KCNQ4: variants seen among roughly 807,000 people sequenced by gnomAD.
The protein encoded by KCNQ4 is potassium voltage-gated channel subfamily KQT member 4.
In KCNQ4, 31 loss-of-function variants were observed where a neutral mutation model predicts 72.6. That is an observed-to-expected ratio of 0.43 (90% CI 0.32 to 0.58). The LOEUF (loss-of-function observed/expected upper bound fraction) is 0.58, where lower values mean the gene tolerates loss of function less well. KCNQ4 is among the 20% of genes least tolerant of loss of function. The pLI is 0.08. For missense variants in KCNQ4, 869 were observed against 962.6 expected, an observed-to-expected ratio of 0.90 and a Z score of 1.29; for synonymous variants, 405 against 403.7, an observed-to-expected ratio of 1.00 and a Z score of -0.04.
intron 1 of KCNQ4, among the ~76,000 whole-genome samples, chr1:40,800,798 G>C (rs1445000276): frequency 1.3e-5 from 2 of 152,216 alleles, no homozygotes; most frequent in Non-Finnish European, 2.9e-5. Context: ...TTGTAGAATA[G>C]TGTGAGAAGG....
intron 12 of KCNQ4, among the ~76,000 whole-genome samples, chr1:40,837,245 G>A (rs981598539): frequency 1.3e-5 from 2 of 152,038 alleles, no homozygotes; most frequent in African/African-American, 2.4e-5. Context: ...GAGCTACCAT[G>A]TCCAGCTAAT....
chr1:40,817,876 G>A lies in KCNQ4; in HGVS notation c.406-288G>A, dbSNP rs910332355. On this transcript the variant is annotated intron_variant, in intron 2 of 13. Coordinates refer to ENST00000347132, the MANE Select transcript of KCNQ4 (RefSeq NM_004700.4). This position sits in a 1 kb window ranked among gnomAD's most constrained non-coding sequence, Gnocchi z 5.5. ...CAACCCCTTTTGTCACCAGGTCAGA[G>A]TTAGGGAGTCTGAGACAGCTGGGAC... Among the ~76,000 whole-genome samples, 15 of 152,232 alleles carry A rather than the reference G, an allele frequency of 9.9e-5. No individual in the cohort carries two copies. The highest frequency in any genetic ancestry group is 3.4e-4 in the African/African-American group (14 of 41,458).
At chr1:40,801,075 T>C (rs1304422352) in intron 1 of KCNQ4, among the ~76,000 whole-genome samples, 2 of 147,912 alleles carry the variant, frequency 1.4e-5, no homozygotes, top group African/African-American at 5.1e-5. Context: ...GGATTGTAAA[T>C]GGGGTAGGGG....
At chr1:40,807,624 C>A (rs1419335244) in intron 1 of KCNQ4, among the ~76,000 whole-genome samples, 1 of 152,236 alleles carries the variant, frequency 6.6e-6, no homozygotes, top group Non-Finnish European at 1.5e-5. Flanking sequence ...CTAGAAGAGT[C>A]TGGGGGCCTC....
rs1648132167 is a variant in KCNQ4 at position 40,817,514 on chromosome 1, G to A, written c.405+159G>A. On this transcript the variant is annotated intron_variant, in intron 2 of 13. Coordinates refer to ENST00000347132, the MANE Select transcript of KCNQ4 (RefSeq NM_004700.4). This position sits in a 1 kb window ranked among gnomAD's most constrained non-coding sequence, Gnocchi z 5.5. Reference sequence around the variant, plus strand: ...GGTAGCACCTCTGGGCTGGGAGTCCGGGACTGAGGGGGGCCGTGTGAGGTG... The same window carrying A: ...GGTAGCACCTCTGGGCTGGGAGTCCAGGACTGAGGGGGGCCGTGTGAGGTG... 6.6e-6 allele frequency among the ~76,000 whole-genome samples: 1 copy of A among 152,014 alleles called. No homozygotes were observed. Among genetic ancestry groups the A allele is most frequent in the African/African-American group, 2.4e-5 (1 of 41,358 alleles).
At chr1:40,831,058 C>T in intron 9 of KCNQ4, 26 bp from the exon 10 acceptor site, 1 of 1,554,984 alleles carries the variant, frequency 6.4e-7, no homozygotes, top group Admixed American at 1.9e-5. Flanking sequence ...TAACTTGGCT[C>T]TCTCCCAACC....
At chr1:40,834,852 G>A in intron 11 of KCNQ4, 115 bp from the exon 12 acceptor site, 2 of 1,420,132 alleles carry the variant, frequency 1.4e-6, no homozygotes, top group Non-Finnish European at 2.0e-6. Context: ...GTTCATGGTG[G>A]CCAAGCAGGA....
In KCNQ4 at chr1:40,824,185, G is replaced by A. The variant is rs367922521; in HGVS notation, c.1219G>A (p.Gly407Arg). 71 of 1,580,022 alleles carry A rather than the reference G, an allele frequency of 4.5e-5. No individual in the cohort carries two copies. The South Asian group carries it at 6.2e-4, about 14-fold the overall frequency. ...LEVRRAPVPDGAPSRYPPVAT... is the reference protein window; with the variant it reads ...LEVRRAPVPDRAPSRYPPVAT... ...GGTGCGGCGGGCGCCGGTACCCGAC[G>A]GAGCACCCTCCCGTTACCCGCCCGT... is the stretch of plus-strand genomic sequence containing the variant. Residue 407 changes from glycine (G) to arginine (R), a missense_variant, in exon 9 of 14, where the codon GGA becomes AGA. By Grantham distance (125) the Gly-to-Arg change is moderately radical. Around this residue, in one of 5 missense-constraint regions of KCNQ4, gnomAD observed 480 missense variants for 501.9 expected, o/e 0.96. Coordinates refer to ENST00000347132, the MANE Select transcript of KCNQ4 (RefSeq NM_004700.4).
At position 40,811,711 on chromosome 1, in the gene KCNQ4, C is replaced by T. The variant is rs376334884; in HGVS notation, c.315-5554C>T. ...TTGTGATCAGACCAGCTGGGGAGAG[C>T]CAGCCAGGCAACACCCGCCTGTCTC... On this transcript the variant is annotated intron_variant, in intron 1 of 13. Transcript: ENST00000347132. Among the ~76,000 whole-genome samples, 19 of 152,280 alleles carry T rather than the reference C, an allele frequency of 1.2e-4. No individual in the cohort carries two copies. The South Asian group carries it at 3.9e-3, about 32-fold the overall frequency.
chr1:40,833,528 C>A (rs61778973), intron 11 of KCNQ4, among the ~76,000 whole-genome samples: 7,349 of 152,256 alleles, frequency 0.048, 261 homozygotes, highest in Non-Finnish European at 0.075. Flanking sequence ...TAGGCCACGG[C>A]CTAGGCATGG....
intron 1 of KCNQ4, among the ~76,000 whole-genome samples, chr1:40,816,849 T>C (rs1368227840): frequency 6.6e-6 from 1 of 152,196 alleles, no homozygotes; most frequent in Non-Finnish European, 1.5e-5. Context: ...CCCTCCTTCA[T>C]CCGCTGACCT....
chr1:40,801,917 G>A (rs1454309046), intron 1 of KCNQ4, among the ~76,000 whole-genome samples: 2 of 152,130 alleles, frequency 1.3e-5, no homozygotes, highest in Non-Finnish European at 2.9e-5. Context: ...TATCTGTCAG[G>A]TGGGATTTGG....
chr1:40,818,070 C>G, intron 2 of KCNQ4, 94 bp from the exon 3 acceptor site: 1 of 1,549,148 alleles, frequency 6.5e-7, no homozygotes, highest in Non-Finnish European at 8.9e-7. Flanking sequence ...GGCCCTGGTC[C>G]CCCTAACCCA....
intron 9 of KCNQ4, among the ~76,000 whole-genome samples, chr1:40,824,742 C>T (rs536975755): frequency 2.0e-5 from 3 of 152,182 alleles, no homozygotes; most frequent in Non-Finnish European, 4.4e-5. Context: ...GAACTCGCCT[C>T]TTGGGAACGA....
intron 9 of KCNQ4, 56 bp from the exon 10 acceptor site, chr1:40,831,027 AC>A: frequency 6.9e-7 from 1 of 1,449,192 alleles, no homozygotes; most frequent in African/African-American, 1.4e-5. Context: ...GTCCCCACTC[AC>A]CCCCACCCCC....
chr1:40,814,909 G>C (rs1353499338), intron 1 of KCNQ4, among the ~76,000 whole-genome samples: 1 of 151,900 alleles, frequency 6.6e-6, no homozygotes, highest in Admixed American at 6.6e-5. Flanking sequence ...TTGTGAAGTG[G>C]AAATTTTATA....
At chr1:40,826,573 C>G (rs559789338) in intron 9 of KCNQ4, 25 of 432,806 alleles carry the variant, frequency 5.8e-5, no homozygotes, top group Admixed American at 5.5e-4. Flanking sequence ...CCAGCAGCTC[C>G]CCACACTCTG....
rs1333939175 is a variant in KCNQ4, at chr1:40,818,511, T to C, written c.539T>C (p.Ile180Thr). Residue 180 changes from isoleucine to threonine, a missense_variant, in exon 4 of 14, where the codon ATC becomes ACC. Physicochemically the swap from Ile to Thr is moderately conservative, Grantham distance 89. Transcript: ENST00000347132. ...ARKPFCVIDFIVFVASVAVIA... is the reference protein window; with the variant it reads ...ARKPFCVIDFTVFVASVAVIA... Reference sequence around the variant, plus strand: ...GCCGCCCCCGCCCCTGCAGACTTCATCGTGTTCGTGGCCTCGGTGGCCGTC... The same window carrying C: ...GCCGCCCCCGCCCCTGCAGACTTCACCGTGTTCGTGGCCTCGGTGGCCGTC... The C allele has an allele frequency of 6.2e-7, 1 of 1,600,290 alleles. No individual in the cohort carries two copies.
intron 9 of KCNQ4, among the ~76,000 whole-genome samples, chr1:40,825,180 T>G (rs1262676841): frequency 1.3e-5 from 2 of 152,150 alleles, no homozygotes; most frequent in Non-Finnish European, 2.9e-5. Context: ...TTGTTTTGTC[T>G]CATCTTCACA....
Sources: gnomAD v4.1 joint callset for allele counts (sites outside exome capture counted in the v4.1 genomes callset) on GRCh38, gnomAD v4.1.1 for gene constraint, gnomAD v4.1.1 regional missense constraint, Gnocchi (gnomAD v3.1) non-coding constraint, MANE v1.5 for transcripts, NCBI Gene and HGNC (gene_info 2026-07-23, HGNC 2026-07-21) for gene names.